PKD1L1: variants seen among roughly 807,000 people sequenced by gnomAD.
PKD1L1 encodes the protein polycystin 1 like 1, transient receptor potential channel interacting.
Under a neutral mutation model 323.4 loss-of-function variants are expected in PKD1L1, and 236 were observed. The ratio of observed to expected loss-of-function variants is 0.73; its 90% confidence interval spans 0.66 to 0.81. The LOEUF (loss-of-function observed/expected upper bound fraction) is 0.81. Ranked by LOEUF, PKD1L1 falls within the 40% of genes least tolerant of loss-of-function variation. The pLI, the probability that PKD1L1 is intolerant of heterozygous loss-of-function variation, is 0.00. For synonymous variants in PKD1L1, 1,344 were observed against 1,335.0 expected, an observed-to-expected ratio of 1.01 and a Z score of -0.15; for missense variants, 3,320 against 3,508.0, an observed-to-expected ratio of 0.95 and a Z score of 1.35.
At chr7:47,931,786 C>T in intron 5 of PKD1L1, 150 bp downstream of exon 5, 4 of 1,064,634 alleles carry the variant, frequency 3.8e-6, no homozygotes, top group Non-Finnish European at 4.0e-6. Context: ...TTCAAACTGC[C>T]TGAGCAGTGT....
In PKD1L1 at chr7:47,837,046, G is replaced by C. The variant is rs201530881; in HGVS notation, c.5818C>G (p.Leu1940Val). ...GAGGAGGGCCTGCTGTACACCGACA[G>C]CCAGACATGGAAATCCTCCAGGTAC... ...TEYLEDFHVW[L>V]SVYSRPSSSR... Residue 1940 changes from leucine to valine, a missense_variant, in exon 37 of 57, where the codon CTG becomes GTG. Coordinates refer to ENST00000289672, the MANE Select transcript of PKD1L1 (RefSeq NM_138295.5). 5.0e-6 allele frequency: 8 copies of C among 1,614,180 alleles called. No homozygotes were observed. The highest frequency in any genetic ancestry group is 1.6e-4 in the Middle Eastern group (1 of 6,062).
intron 56 of PKD1L1, among the ~76,000 whole-genome samples, chr7:47,777,546 T>C (rs1238745002): frequency 6.6e-6 from 1 of 152,236 alleles, no homozygotes; most frequent in African/African-American, 2.4e-5. Context: ...ATTAGGGTCA[T>C]GTTTTACATC....
At chr7:47,863,021 T>A (rs1171715692) in intron 26 of PKD1L1, among the ~76,000 whole-genome samples, 2 of 152,138 alleles carry the variant, frequency 1.3e-5, no homozygotes, top group African/African-American at 4.8e-5. Context: ...CCAACCTGGA[T>A]GAGAAATGAC....
intron 50 of PKD1L1, among the ~76,000 whole-genome samples, chr7:47,810,824 T>C (rs1248286293): frequency 6.6e-6 from 1 of 152,146 alleles, no homozygotes; most frequent in Non-Finnish European, 1.5e-5. Context: ...AGACCCTGGG[T>C]ACTGTGGACT....
rs1406134568 is a variant in PKD1L1 at position 47,781,386 on chromosome 7, GGTTTTTTTTTTTGTTTTGTTTT to G, written c.8527-6242_8527-6221del. On this transcript the variant is annotated intron_variant, in intron 56 of 56. Coordinates refer to ENST00000289672, the MANE Select transcript of PKD1L1 (RefSeq NM_138295.5). ...CAATAAAGTCATTTGCAGAACAAAA[GGTTTTTTTTTTTGTTTTGTTTT>G]GTTTTTTTTTTTTTTTTTGAGACAG... Among the ~76,000 whole-genome samples, 61 of 131,742 alleles carry G rather than the reference GGTTTTTTTTTTTGTTTTGTTTT, an allele frequency of 4.6e-4. 3 individuals carry two copies. In the South Asian group the frequency reaches 0.015, roughly 32 times the overall value. The allele number at this position is 131,742 out of a possible 152,430, so 86.4% of individuals were successfully genotyped here.
intron 23 of PKD1L1, among the ~76,000 whole-genome samples, chr7:47,874,355 G>C (rs565242550): frequency 6.6e-6 from 1 of 152,164 alleles, no homozygotes; most frequent in Non-Finnish European, 1.5e-5. Flanking sequence ...CTGTGGTGAG[G>C]GGACCTGCAG....
chr7:47,905,108 T>C lies in PKD1L1; in HGVS notation c.1691+49A>G, dbSNP rs1183241910. 5 of 1,578,300 alleles carry C rather than the reference T, an allele frequency of 3.2e-6. No homozygotes were observed. The South Asian group carries it at 4.7e-5, about 15-fold the overall frequency. ...AGCATGGTGATCTTCAGACTGAGTATAGGCTGCAGTACAAACAGCTACTCA... is the reference window on the plus strand; with the variant it reads ...AGCATGGTGATCTTCAGACTGAGTACAGGCTGCAGTACAAACAGCTACTCA... On this transcript the variant is annotated intron_variant, in intron 11 of 56. Coordinates refer to ENST00000289672, the MANE Select transcript of PKD1L1 (RefSeq NM_138295.5).
rs1786342616 is a variant in PKD1L1, at chr7:47,873,923, C to G, written c.3872G>C (p.Gly1291Ala). The G allele has an allele frequency of 1.2e-6, 2 of 1,613,848 alleles. No homozygotes were observed. The highest frequency in any genetic ancestry group is 1.7e-6 in the Non-Finnish European group (2 of 1,179,890). Residue 1291 changes from glycine (G) to alanine (A), a missense_variant, in exon 24 of 57, where the codon GGA (glycine) becomes GCA (alanine). By Grantham distance (60) the Gly-to-Ala change is moderately conservative (BLOSUM62 0). Coordinates refer to ENST00000289672, the MANE Select transcript of PKD1L1 (RefSeq NM_138295.5). ...VVVTVLPRYH[G>A]NDCLGEDLYN... ...CAGGTCCTCGCCCAGACAGTCATTT[C>G]CATGGTAGCGGGGCAGCACAGTCAC...
chr7:47,824,805 C>T (rs530396748), intron 45 of PKD1L1, among the ~76,000 whole-genome samples: 1 of 152,282 alleles, frequency 6.6e-6, no homozygotes, highest in Admixed American at 6.5e-5. Flanking sequence ...CATGCTTCTA[C>T]ATAGCTGGAC....
chr7:47,822,594 CAAAAAAAAAAAA>C (rs745820560), intron 45 of PKD1L1, among the ~76,000 whole-genome samples: 1 of 71,402 alleles, frequency 1.4e-5, no homozygotes, highest in South Asian at 6.8e-4. Flanking sequence ...GACTCCGTCT[CAAAAAAAAAAAA>C]AAAAAAAAAA....
chr7:47,877,627 C>G lies in PKD1L1; in HGVS notation c.3525G>C (p.Ser1175=), dbSNP rs143835498. ...GAGCTTTACCCAGTAAGCCATGCTT[C>G]GAAGCTAAAGAGAAAGATGAAGCAG... ...ETYVLQVSVA[S]KHGLLGKAQL... Residue 1175 remains serine, a synonymous_variant, in exon 22 of 57, where the codon TCG becomes TCC. Coordinates refer to ENST00000289672, the MANE Select transcript of PKD1L1 (RefSeq NM_138295.5). 1 of 1,613,438 alleles carries G rather than the reference C, an allele frequency of 6.2e-7. No individual in the cohort carries two copies. The highest frequency in any genetic ancestry group is 1.1e-5 in the South Asian group (1 of 90,986).
Position 47,821,077 on chromosome 7 carries a change from T to G in PKD1L1, c.6964A>C (p.Arg2322=). The change falls in exon 46 of 57, where the codon AGA becomes CGA. Residue 2322 remains arginine, a splice_region_variant and synonymous_variant. Transcript: ENST00000289672. ...LNQAIRKEFT[R]NARNCLGGLR... The stretch of plus-strand genomic sequence containing the variant: ...GGAAGAGTTACCCAAACCTCCTACC[T>G]TGTAAATTCTTTCCGGATAGCTTGA... 6.4e-7 allele frequency: 1 copy of G among 1,569,720 alleles called. No homozygotes were observed. The highest frequency in any genetic ancestry group is 8.8e-7 in the Non-Finnish European group (1 of 1,139,624).
At chr7:47,782,350 A>T (rs1212572948) in intron 56 of PKD1L1, among the ~76,000 whole-genome samples, 1 of 152,234 alleles carries the variant, frequency 6.6e-6, no homozygotes, top group Non-Finnish European at 1.5e-5. Flanking sequence ...ACAGTAACTT[A>T]TGAAAGTAGA....
rs1786539376 is a variant in PKD1L1 at position 47,775,137 on chromosome 7, G to A, written c.*6C>T. On this transcript the variant is annotated 3_prime_UTR_variant, in exon 57 of 57. Coordinates refer to ENST00000289672, the MANE Select transcript of PKD1L1 (RefSeq NM_138295.5). Reference sequence around the variant, plus strand: ...TCCATAGTGCCTATGCAAGGTACCAGGCTCCTCAGAAGTCCTTGATGTCTG... The same window carrying A: ...TCCATAGTGCCTATGCAAGGTACCAAGCTCCTCAGAAGTCCTTGATGTCTG... 1 of 1,613,970 alleles carries A rather than the reference G, an allele frequency of 6.2e-7. No homozygotes were observed. The highest frequency in any genetic ancestry group is 8.5e-7 in the Non-Finnish European group (1 of 1,179,924).
At chr7:47,832,002 C>T (rs983495490) in intron 41 of PKD1L1, among the ~76,000 whole-genome samples, 2 of 152,268 alleles carry the variant, frequency 1.3e-5, no homozygotes, top group Non-Finnish European at 2.9e-5. Context: ...TACAGCTCTT[C>T]ATACCTCTGG....
chr7:47,780,032 AT>A (rs68061607), intron 56 of PKD1L1, among the ~76,000 whole-genome samples: 42,192 of 150,708 alleles, frequency 0.28, 6,174 homozygotes, highest in East Asian at 0.57. Context: ...TTTTTTAATT[AT>A]TTTTTTTTTA....
chr7:47,885,876 T>G lies in PKD1L1; in HGVS notation c.3015A>C (p.Pro1005=). 3.7e-6 allele frequency: 6 copies of G among 1,614,170 alleles called. No individual in the cohort carries two copies. The highest frequency in any genetic ancestry group is 5.1e-6 in the Non-Finnish European group (6 of 1,180,020). ...VTLGQPATSA[P]RGTPTEPMTG... ...TCATGGGCTCTGTGGGGGTTCCCCT[T>G]GGAGCTGAAGTGGCAGGTTGGCCAA... The change falls in exon 18 of 57, where the codon CCA becomes CCC. Residue 1005 remains proline (P), a synonymous_variant. Transcript: ENST00000289672.
chr7:47,803,407 C>A, intron 52 of PKD1L1, 63 bp from the exon 53 acceptor site: 1 of 1,578,450 alleles, frequency 6.3e-7, no homozygotes, highest in South Asian at 1.1e-5. Flanking sequence ...CAGACATATT[C>A]ACAGCTGTCA....
the PKD1L1 span, among the ~76,000 whole-genome samples, chr7:47,960,813 A>G: frequency 1.3e-5 from 2 of 152,060 alleles, no homozygotes; most frequent in African/African-American, 4.8e-5. Flanking sequence ...ATGAAAATCA[A>G]AATCACAATG....
Sources: allele counts gnomAD v4.1 joint callset (sites outside exome capture counted in the v4.1 genomes callset), GRCh38; gene constraint gnomAD v4.1.1; transcripts MANE v1.5; gene names NCBI Gene and HGNC (gene_info 2026-07-23, HGNC 2026-07-21).